PARD3: variants seen among roughly 807,000 people sequenced by gnomAD.
The protein encoded by PARD3 is par-3 family cell polarity regulator, also known as partitioning defective 3 homolog.
Under a neutral mutation model 155.4 loss-of-function variants are expected in PARD3, and 75 were observed. The observed-to-expected ratio is 0.48, with a 90% CI of 0.40 to 0.58. PARD3 has a LOEUF of 0.58. PARD3 is among the 20% of genes least tolerant of loss of function. PARD3 has a pLI of 0.00. For missense variants in PARD3, 1,642 were observed against 1,721.7 expected, an observed-to-expected ratio of 0.95 and a Z score of 0.82; for synonymous variants, 576 against 610.5, an observed-to-expected ratio of 0.94 and a Z score of 0.83.
intron 2 of PARD3, among the ~76,000 whole-genome samples, chr10:34,534,691 ATGT>A (rs757365535): frequency 1.7e-4 from 26 of 152,014 alleles, no homozygotes; most frequent in Non-Finnish European, 3.5e-4. Context: ...ACGGTGGTTG[ATGT>A]TGTTGTTGCT....
intron 1 of PARD3, among the ~76,000 whole-genome samples, chr10:34,756,184 T>C (rs933518224): frequency 7.4e-6 from 1 of 134,816 alleles, no homozygotes; most frequent in Non-Finnish European, 1.6e-5. Flanking sequence ...GACGGAGTCT[T>C]ACTCTGCTGC....
chr10:34,279,225 C>A (rs898344148), intron 21 of PARD3, among the ~76,000 whole-genome samples: 18 of 147,736 alleles, frequency 1.2e-4, no homozygotes, highest in Admixed American at 8.8e-4. Flanking sequence ...CAGCAGCTCA[C>A]TGCAGCCTCG....
At chr10:34,672,413 T>C (rs944519130) in intron 2 of PARD3, among the ~76,000 whole-genome samples, 1 of 152,258 alleles carries the variant, frequency 6.6e-6, no homozygotes, top group Non-Finnish European at 1.5e-5. Flanking sequence ...CCATTCATTC[T>C]GATCTTACAG....
At position 34,222,943 on chromosome 10, in the gene PARD3, G is replaced by A. The variant is rs542692456; in HGVS notation, c.3419+46714C>T. ...TCACCTCTCTGGGCAGCACTCCTGCGCCTATTCAGCTGCCGAAAACCTTTT... is the reference window on the plus strand; with the variant it reads ...TCACCTCTCTGGGCAGCACTCCTGCACCTATTCAGCTGCCGAAAACCTTTT... On this transcript the variant is annotated intron_variant, in intron 22 of 24. Coordinates refer to ENST00000374788, the MANE Select transcript of PARD3 (RefSeq NM_001184785.2). Among the ~76,000 whole-genome samples the A allele has an allele frequency of 2.6e-5, 4 of 152,264 alleles. No homozygotes were observed. In the East Asian group the frequency reaches 5.8e-4, roughly 22 times the overall value.
intron 2 of PARD3, among the ~76,000 whole-genome samples, chr10:34,586,975 G>A (rs151271628): frequency 3.3e-5 from 5 of 152,254 alleles, no homozygotes; most frequent in Non-Finnish European, 7.3e-5. Flanking sequence ...ACTCATGTAG[G>A]GGTGATACGG....
intron 1 of PARD3, among the ~76,000 whole-genome samples, chr10:34,708,549 C>CA (rs773158678): frequency 2.0e-5 from 3 of 151,662 alleles, no homozygotes; most frequent in East Asian, 1.9e-4. Flanking sequence ...TGGTTCAGGA[C>CA]AAAAAAATGC....
chr10:34,529,892 GC>G (rs2082726849), intron 2 of PARD3, among the ~76,000 whole-genome samples: 1 of 152,012 alleles, frequency 6.6e-6, no homozygotes, highest in African/African-American at 2.4e-5. Context: ...GCACCACCAA[GC>G]CCGGCTAATT....
intron 3 of PARD3, among the ~76,000 whole-genome samples, chr10:34,507,551 A>AC (rs2081156909): frequency 1.8e-5 from 1 of 55,910 alleles, no homozygotes; most frequent in South Asian, 5.3e-4. Flanking sequence ...AAAAAAACAA[A>AC]AAAAAAAAAA....
intron 4 of PARD3, among the ~76,000 whole-genome samples, chr10:34,461,971 C>T (rs1364270286): frequency 2.6e-5 from 4 of 152,124 alleles, no homozygotes; most frequent in Non-Finnish European, 5.9e-5. Context: ...CCTAATGTAG[C>T]ATAGAAAAAG....
chr10:34,446,400 G>A (rs952983697), intron 5 of PARD3, among the ~76,000 whole-genome samples: 3 of 151,866 alleles, frequency 2.0e-5, no homozygotes, highest in African/African-American at 7.3e-5. Flanking sequence ...AGCCTTTGGC[G>A]GGTATTGTAT....
chr10:34,496,349 G>C (rs936644855), intron 3 of PARD3, among the ~76,000 whole-genome samples: 3 of 152,120 alleles, frequency 2.0e-5, no homozygotes, highest in Non-Finnish European at 2.9e-5. Context: ...AAAAGTTTCT[G>C]TTTATAGAAA....
chr10:34,559,045 C>CCG (rs2085251987), intron 2 of PARD3, among the ~76,000 whole-genome samples: 1 of 151,788 alleles, frequency 6.6e-6, no homozygotes, highest in African/African-American at 2.4e-5. Flanking sequence ...TCATTTTTCC[C>CCG]CCCCACAGAA....
At chr10:34,220,535 G>C (rs1343491486) in intron 22 of PARD3, among the ~76,000 whole-genome samples, 1 of 152,136 alleles carries the variant, frequency 6.6e-6, no homozygotes, top group Non-Finnish European at 1.5e-5. Flanking sequence ...TTGGCAGAGA[G>C]TGAAGTTTTC....
rs193090426 is a variant in PARD3 at position 34,163,547 on chromosome 10, C to A, written c.3420-31964G>T. Among the ~76,000 whole-genome samples, 28 of 152,284 alleles carry A rather than the reference C, an allele frequency of 1.8e-4. No homozygotes were observed. The East Asian group carries it at 5.4e-3, about 29-fold the overall frequency. ...ACTAGAAAGAAACAGGGACAAAATC[C>A]TTTACAGCGGAACTGGGAACCACTA... On this transcript the variant is annotated intron_variant, in intron 22 of 24. Transcript: ENST00000374788.
At chr10:34,754,441 G>C (rs1407431690) in intron 1 of PARD3, among the ~76,000 whole-genome samples, 2 of 152,148 alleles carry the variant, frequency 1.3e-5, no homozygotes, top group African/African-American at 2.4e-5. Flanking sequence ...GCTTTGTCCT[G>C]TACTTTCCCA....
chr10:34,600,948 C>T (rs1377198395), intron 2 of PARD3, among the ~76,000 whole-genome samples: 2 of 149,986 alleles, frequency 1.3e-5, no homozygotes, highest in African/African-American at 2.5e-5. Flanking sequence ...CCACCATGCC[C>T]GCCCATTTTT....
chr10:34,667,038 C>T (rs921890530), intron 2 of PARD3, among the ~76,000 whole-genome samples: 28 of 151,812 alleles, frequency 1.8e-4, no homozygotes, highest in African/African-American at 6.5e-4. Flanking sequence ...CGTGGTGGCG[C>T]ATGCCTATAA....
At chr10:34,597,603 T>G (rs1487709054) in intron 2 of PARD3, among the ~76,000 whole-genome samples, 1 of 152,104 alleles carries the variant, frequency 6.6e-6, no homozygotes, top group Non-Finnish European at 1.5e-5. Context: ...CAATATCTTG[T>G]TTAGAAAAAC....
intron 12 of PARD3, 129 bp downstream of exon 12, chr10:34,372,369 A>G (rs1840771441): frequency 1.4e-6 from 1 of 719,312 alleles, no homozygotes; most frequent in Non-Finnish European, 2.4e-6. Flanking sequence ...TTGGCATTTA[A>G]TAAACCCATG....
Sources: gnomAD v4.1 joint callset for allele counts (sites outside exome capture counted in the v4.1 genomes callset) on GRCh38, gnomAD v4.1.1 for gene constraint, MANE v1.5 for transcripts, NCBI Gene and HGNC (gene_info 2026-07-23, HGNC 2026-07-21) for gene names.